PLEKHD1: variants seen among roughly 807,000 people sequenced by gnomAD.
The protein encoded by PLEKHD1 is pleckstrin homology and coiled-coil domain containing D1.
A neutral mutation model predicts 69.2 loss-of-function variants in PLEKHD1; 51 were observed. The ratio of observed to expected loss-of-function variants is 0.74; its 90% CI spans 0.59 to 0.93. The LOEUF is 0.93. Ranked by LOEUF, PLEKHD1 falls within the 40% of genes least tolerant of loss-of-function variation. The probability of loss-of-function intolerance (pLI) is 0.00; values close to 1 mark genes in which losing one functional copy is unlikely to be tolerated. For synonymous variants in PLEKHD1, 236 were observed against 244.7 expected (o/e 0.96, Z 0.33); for missense variants, 584 against 641.0 (o/e 0.91, Z 0.96).
the PLEKHD1 span, among the ~76,000 whole-genome samples, chr14:69,472,122 G>A: frequency 2.9e-3 from 438 of 152,140 alleles, 2 homozygotes; most frequent in African/African-American, 0.01. Flanking sequence ...ACCACACACA[G>A]CGATGGTCAC....
chr14:69,527,688 C>T, intron 11 of PLEKHD1, 95 bp from the exon 12 acceptor site: 3 of 1,435,644 alleles, frequency 2.1e-6, no homozygotes, highest in Non-Finnish European at 2.8e-6. Context: ...CAAAATATTT[C>T]CCACTCAATC....
Position 69,502,884 on chromosome 14 carries a change from G to T in PLEKHD1, c.555+5G>T, listed in dbSNP as rs1282401495. 8 of 1,551,586 alleles carry T rather than the reference G, an allele frequency of 5.2e-6. No individual in the cohort carries two copies. The Admixed American group carries it at 1.4e-4, about 27-fold the overall frequency. ...CTTCAGAGGGAGCAGAGAGAGGTAG[G>T]TGCACACCAAGGGGCTCTCAGCAGC... On this transcript the variant is annotated splice_donor_5th_base_variant and intron_variant, in intron 6 of 12. Transcript: ENST00000322564.
At chr14:69,471,010 C>T in the PLEKHD1 span, among the ~76,000 whole-genome samples, 1 of 147,580 alleles carries the variant, frequency 6.8e-6, no homozygotes, top group Non-Finnish European at 1.5e-5. Flanking sequence ...CCAGGATGGT[C>T]TCGATCTCCT....
At chr14:69,471,090 CTTTTTTTTT>C in the PLEKHD1 span, among the ~76,000 whole-genome samples, 40 of 44,740 alleles carry the variant, frequency 8.9e-4, no homozygotes, top group African/African-American at 3.1e-3. Flanking sequence ...CGTGCCTGGC[CTTTTTTTTT>C]TTTTTTTTTT....
At chr14:69,482,441 G>A (rs1391306805), upstream of PLEKHD1, among the ~76,000 whole-genome samples, 1 of 152,200 alleles carries the variant, frequency 6.6e-6, no homozygotes, top group Non-Finnish European at 1.5e-5. Flanking sequence ...CCAGGCCTGA[G>A]GCAAAGCTTC....
chr14:69,523,992 G>A (rs1883580505), intron 7 of PLEKHD1, among the ~76,000 whole-genome samples: 1 of 152,166 alleles, frequency 6.6e-6, no homozygotes, highest in Admixed American at 6.5e-5. Flanking sequence ...GTTTATTCCA[G>A]GTGACAGATG....
In PLEKHD1 at chr14:69,528,339, C is replaced by T; in HGVS notation, c.1441C>T (p.Gln481Ter). The change falls in exon 13 of 13, where the codon CAG (glutamine) becomes TAG (stop). Residue 481 changes from glutamine to a stop codon, truncating the protein, a stop_gained. Coordinates refer to ENST00000322564, the MANE Select transcript of PLEKHD1 (RefSeq NM_001161498.2). LOFTEE classifies it high-confidence loss of function. ...GGTGGCCAAGCGGCTCAGCAGGGAC[C>T]AGCGCTTCCGGGAATCCATCTACCA... ...KEVAKRLSRD[Q>*]RFRESIYHIM... is the part of the protein sequence containing the mutation. The T allele has an allele frequency of 6.4e-7, 1 of 1,551,724 alleles. No homozygotes were observed. Among genetic ancestry groups the T allele is most frequent in the Non-Finnish European group, 8.7e-7 (1 of 1,146,992 alleles).
chr14:69,501,868 GACCAGGGGCTATA>G (rs1374192942), intron 5 of PLEKHD1, 43 bp downstream of exon 5: 25 of 1,472,262 alleles, frequency 1.7e-5, no homozygotes, highest in Non-Finnish European at 2.1e-5. Context: ...AGCACTTGGG[GACCAGGGGCTATA>G]GCCAGGGGCT....
intron 11 of PLEKHD1, 25 bp downstream of exon 11, chr14:69,527,357 C>A (rs1294143922): frequency 1.3e-6 from 2 of 1,551,008 alleles, no homozygotes; most frequent in South Asian, 1.2e-5. Context: ...TAGGCCCTGG[C>A]CCCCAGCTTT....
At chr14:69,524,443 G>C in intron 8 of PLEKHD1, 121 bp downstream of exon 8, 4 of 838,476 alleles carry the variant, frequency 4.8e-6, no homozygotes, top group Non-Finnish European at 7.7e-6. Context: ...GGGCATGGAG[G>C]GGTGCTGATC....
At chr14:69,480,802 G>A (rs928232140), upstream of PLEKHD1, among the ~76,000 whole-genome samples, 9 of 152,272 alleles carry the variant, frequency 5.9e-5, no homozygotes, top group South Asian at 2.1e-4. Context: ...ACAGGCATGC[G>A]CCACTATGCC....
chr14:69,509,200 G>A (rs1002957732), intron 6 of PLEKHD1, among the ~76,000 whole-genome samples: 1 of 152,138 alleles, frequency 6.6e-6, no homozygotes, highest in Non-Finnish European at 1.5e-5. Flanking sequence ...AGATGTCTGG[G>A]TCTTTTGCCC....
rs1883772962 is a variant in PLEKHD1, at chr14:69,530,748, C to T, written c.*2329C>T. The stretch of plus-strand genomic sequence containing the variant: ...CAAGGACCTTCTTGTTGCATCATCC[C>T]ATGGTTGACAGGCAAAGAGAGGGTG... On this transcript the variant is annotated 3_prime_UTR_variant, in exon 13 of 13. Coordinates refer to ENST00000322564, the MANE Select transcript of PLEKHD1 (RefSeq NM_001161498.2). The T allele has an allele frequency of 6.6e-6, 1 of 152,180 alleles. No individual in the cohort carries two copies. Among genetic ancestry groups the T allele is most frequent in the African/African-American group, 2.4e-5 (1 of 41,428 alleles). 9.4% of individuals were successfully genotyped at this position (152,180 alleles called of 1,614,324 possible). A position where few individuals can be genotyped will look rare whatever the true frequency, so the allele number is the denominator to read the frequency against.
intron 1 of PLEKHD1, among the ~76,000 whole-genome samples, chr14:69,493,308 A>G (rs75725539): frequency 6.6e-4 from 100 of 152,374 alleles, no homozygotes; most frequent in Non-Finnish European, 1.0e-3. Flanking sequence ...GAGGAGGACC[A>G]GGCATCACAG....
chr14:69,501,090 A>G (rs1014918157), intron 4 of PLEKHD1, 143 bp downstream of exon 4: 43 of 845,616 alleles, frequency 5.1e-5, no homozygotes, highest in Middle Eastern at 5.7e-4. Flanking sequence ...GGGAGAGCAG[A>G]CAGGCCAGGT....
intron 7 of PLEKHD1, among the ~76,000 whole-genome samples, chr14:69,523,783 C>T (rs1883575524): frequency 6.6e-6 from 1 of 152,072 alleles, no homozygotes; most frequent in African/African-American, 2.4e-5. Context: ...GATGAGGGGA[C>T]ACTAGTGTAA....
Position 69,529,987 on chromosome 14 carries a change from T to A in PLEKHD1, c.*1568T>A, listed in dbSNP as rs999406471. 6.6e-6 allele frequency: 1 copy of A among 152,184 alleles called. No individual in the cohort carries two copies. Among genetic ancestry groups the A allele is most frequent in the African/African-American group, 2.4e-5 (1 of 41,412 alleles). The allele number at this position is 152,184 out of a possible 1,614,324, so 9.4% of individuals were successfully genotyped here. On this transcript the variant is annotated 3_prime_UTR_variant, in exon 13 of 13. Transcript: ENST00000322564. ...AGGCTATTGGCCTCCAGAAAAGGGGTCCACCTGGGATCAGGGTGCTCTTGG... is the reference window on the plus strand; with the variant it reads ...AGGCTATTGGCCTCCAGAAAAGGGGACCACCTGGGATCAGGGTGCTCTTGG...
intron 7 of PLEKHD1, among the ~76,000 whole-genome samples, chr14:69,523,353 C>A (rs1883564881): frequency 6.6e-6 from 1 of 152,196 alleles, no homozygotes; most frequent in African/African-American, 2.4e-5. Flanking sequence ...TCATTATCAT[C>A]ACCACACATG....
At chr14:69,496,170 G>C (rs948366224) in intron 1 of PLEKHD1, among the ~76,000 whole-genome samples, 1 of 152,178 alleles carries the variant, frequency 6.6e-6, no homozygotes, top group Non-Finnish European at 1.5e-5. Flanking sequence ...GATGGGGGTT[G>C]GTGGACCCCA....
Sources: gnomAD v4.1 joint callset for allele counts (sites outside exome capture counted in the v4.1 genomes callset) on GRCh38, gnomAD v4.1.1 for gene constraint, MANE v1.5 for transcripts, NCBI Gene and HGNC (gene_info 2026-07-23, HGNC 2026-07-21) for gene names.